Variants in DCLK1 observed in about 807,000 individuals in gnomAD.
The protein encoded by DCLK1 is serine/threonine-protein kinase DCLK1.
In DCLK1, 16 loss-of-function variants were observed where a neutral mutation model predicts 86.2. That is an observed-to-expected ratio of 0.19 (90% confidence interval 0.13 to 0.28). The LOEUF is 0.28. Among genes scored for constraint, DCLK1 ranks in the 10% least tolerant of loss-of-function variants. The pLI, the probability that DCLK1 is intolerant of heterozygous loss-of-function variation, is 1.00. For missense variants in DCLK1, 590 were observed against 940.2 expected (o/e 0.63, Z 4.87); for synonymous variants, 369 against 370.5 (o/e 1.00, Z 0.05).
At chr13:36,103,126 T>A (rs6563343) in intron 3 of DCLK1, among the ~76,000 whole-genome samples, 7 of 152,184 alleles carry the variant, frequency 4.6e-5, no homozygotes, top group South Asian at 2.1e-4. Flanking sequence ...CAGGGCCAGG[T>A]GCAGTGGCTC....
At chr13:36,068,051 G>A (rs756041563) in intron 3 of DCLK1, among the ~76,000 whole-genome samples, 1 of 152,120 alleles carries the variant, frequency 6.6e-6, no homozygotes, top group Non-Finnish European at 1.5e-5. Context: ...TAAGTATTAA[G>A]AACATAACCA....
intron 15 of DCLK1, among the ~76,000 whole-genome samples, chr13:35,802,331 CAAA>C (rs34124656): frequency 2.1e-4 from 20 of 97,448 alleles, no homozygotes; most frequent in African/African-American, 1.2e-4. Flanking sequence ...GACCCTGTCT[CAAA>C]AAAAAAAAAA....
chr13:35,795,907 A>C (rs1467950017), intron 15 of DCLK1, among the ~76,000 whole-genome samples: 3 of 150,318 alleles, frequency 2.0e-5, no homozygotes, highest in Non-Finnish European at 4.4e-5. Context: ...CCTGGGCAAC[A>C]AAAGCAAAAC....
chr13:35,955,372 G>A (rs576109670), intron 3 of DCLK1, among the ~76,000 whole-genome samples: 3 of 152,162 alleles, frequency 2.0e-5, no homozygotes, highest in Admixed American at 2.0e-4. Flanking sequence ...TCTGGTGTCT[G>A]GTGAGGGCCT....
At position 35,970,578 on chromosome 13, in the gene DCLK1, G is replaced by T. The variant is rs60585217; in HGVS notation, c.724-23121C>A. Among the ~76,000 whole-genome samples the T allele has an allele frequency of 3.7e-3, 558 of 152,186 alleles. 3 individuals are homozygous for T. The highest frequency in any genetic ancestry group is 0.013 in the African/African-American group (523 of 41,512). On this transcript the variant is annotated intron_variant, in intron 3 of 16. Coordinates refer to ENST00000360631, the MANE Select transcript of DCLK1 (RefSeq NM_001330071.2). ...TATTGGCGGTGGGCTCTCTTTCTCG[G>T]CTCTTTGCTCTTCTGCCATGTGAAG... is the stretch of plus-strand genomic sequence containing the variant.
intron 5 of DCLK1, among the ~76,000 whole-genome samples, chr13:35,854,876 G>C (rs1870936432): frequency 6.6e-6 from 1 of 152,112 alleles, no homozygotes; most frequent in Non-Finnish European, 1.5e-5. Context: ...CTTTAACTGT[G>C]CCAGCAGGGA....
At chr13:35,845,202 C>G (rs1278364327) in intron 6 of DCLK1, among the ~76,000 whole-genome samples, 1 of 152,146 alleles carries the variant, frequency 6.6e-6, no homozygotes, top group Admixed American at 6.5e-5. Context: ...GAGCCAAGAT[C>G]GCACCACTGC....
chr13:36,014,478 C>T (rs1008585187), intron 3 of DCLK1, among the ~76,000 whole-genome samples: 6 of 152,126 alleles, frequency 3.9e-5, no homozygotes, highest in African/African-American at 9.7e-5. Flanking sequence ...ACCTAAAATG[C>T]TTACAACCTA....
At chr13:36,029,084 C>G (rs1225212035) in intron 3 of DCLK1, among the ~76,000 whole-genome samples, 2 of 152,198 alleles carry the variant, frequency 1.3e-5, no homozygotes, top group East Asian at 3.9e-4. Flanking sequence ...CTTTATTTCT[C>G]TAATAAACTT....
intron 2 of DCLK1, among the ~76,000 whole-genome samples, chr13:36,115,320 A>T (rs895417405): frequency 3.3e-5 from 4 of 122,896 alleles, no homozygotes; most frequent in Non-Finnish European, 6.8e-5. Context: ...ATAAAAGTGA[A>T]TTTATCTTAA....
In DCLK1 at chr13:36,102,903, G is replaced by C. The variant is rs1885265863; in HGVS notation, c.723+8966C>G. On this transcript the variant is annotated intron_variant, in intron 3 of 16. Transcript: ENST00000360631. ...GGCTCTACAGACAAGTCACAAGACA[G>C]GAAAGCACACTGGGAAACTTGGCTT... 2.0e-5 allele frequency among the ~76,000 whole-genome samples: 3 copies of C among 152,184 alleles called. No homozygotes were observed. In the South Asian group the frequency reaches 6.2e-4, roughly 31 times the overall value.
At chr13:35,904,038 A>T (rs1023003105) in intron 4 of DCLK1, among the ~76,000 whole-genome samples, 1 of 151,962 alleles carries the variant, frequency 6.6e-6, no homozygotes, top group African/African-American at 2.4e-5. Context: ...CATGGAAAAG[A>T]TTCCAATTAC....
chr13:35,912,479 G>T (rs977465321), intron 4 of DCLK1, among the ~76,000 whole-genome samples: 1 of 152,110 alleles, frequency 6.6e-6, no homozygotes, highest in African/African-American at 2.4e-5. Flanking sequence ...CTTGACTGGA[G>T]AAAGATGATT....
At chr13:35,774,951 C>T (rs1038827747) in intron 16 of DCLK1, among the ~76,000 whole-genome samples, 1 of 152,066 alleles carries the variant, frequency 6.6e-6, no homozygotes, top group African/African-American at 2.4e-5. Context: ...TTGACCCTTC[C>T]CCACTCCTCC....
At chr13:35,904,534 T>A (rs190416496) in intron 4 of DCLK1, among the ~76,000 whole-genome samples, 28 of 152,288 alleles carry the variant, frequency 1.8e-4, no homozygotes, top group African/African-American at 6.0e-4. Flanking sequence ...GGGGACTTTA[T>A]CAAACATTGC....
intron 4 of DCLK1, 151 bp downstream of exon 4, chr13:35,947,207 T>C: frequency 1.9e-6 from 1 of 519,906 alleles, no homozygotes; most frequent in Non-Finnish European, 3.4e-6. Context: ...AAAAAAAAAA[T>C]CAAAGAAATC....
At chr13:35,996,645 A>C (rs914216921) in intron 3 of DCLK1, among the ~76,000 whole-genome samples, 4 of 152,000 alleles carry the variant, frequency 2.6e-5, no homozygotes, top group Admixed American at 6.6e-5. Context: ...GCCCTCCCTG[A>C]GTATTTTGAA....
chr13:35,931,088 T>C (rs1213343010), intron 4 of DCLK1, among the ~76,000 whole-genome samples: 1 of 152,222 alleles, frequency 6.6e-6, no homozygotes, highest in Admixed American at 6.5e-5. Context: ...CCTTACGTTG[T>C]TTCCCACAAG....
chr13:35,949,426 A>C (rs1877547754), intron 3 of DCLK1, among the ~76,000 whole-genome samples: 1 of 152,218 alleles, frequency 6.6e-6, no homozygotes, highest in African/African-American at 2.4e-5. Flanking sequence ...GAGCACAGGA[A>C]AGACAGAACA....
Sources: gnomAD v4.1 joint callset for allele counts (sites outside exome capture counted in the v4.1 genomes callset) on GRCh38, gnomAD v4.1.1 for gene constraint, MANE v1.5 for transcripts, NCBI Gene and HGNC (gene_info 2026-07-23, HGNC 2026-07-21) for gene names.